The following ADGRL3 variants were observed in gnomAD, a reference collection of about 807,000 sequenced individuals.
The protein encoded by ADGRL3 is calcium-independent alpha-latrotoxin receptor 3.
In ADGRL3, 62 loss-of-function variants were observed where a neutral mutation model predicts 153.5. That is an observed-to-expected ratio of 0.40 (90% CI 0.33 to 0.50). The LOEUF (loss-of-function observed/expected upper bound fraction) is 0.50, where lower values mean the gene tolerates loss of function less well. ADGRL3 is among the 20% of genes least tolerant of loss of function. ADGRL3 has a pLI of 0.47. For synonymous variants in ADGRL3, 710 were observed against 672.5 expected, an observed-to-expected ratio of 1.06 and a Z score of -0.86; for missense variants, 1,641 against 1,859.4, an observed-to-expected ratio of 0.88 and a Z score of 2.16.
chr4:61,950,764 G>C (rs1159127052), intron 17 of ADGRL3, among the ~76,000 whole-genome samples: 1 of 152,184 alleles, frequency 6.6e-6, no homozygotes, highest in Non-Finnish European at 1.5e-5. Context: ...TCTGATTGGT[G>C]AGTGACAGGC....
At chr4:61,760,605 T>C (rs111294590) in intron 8 of ADGRL3, among the ~76,000 whole-genome samples, 13,269 of 152,216 alleles carry the variant, frequency 0.087, 1,236 homozygotes, top group African/African-American at 0.23. Flanking sequence ...TTGCACTTCC[T>C]GAGTGAGGCG....
At chr4:62,000,419 A>G (rs1004919932) in intron 21 of ADGRL3, among the ~76,000 whole-genome samples, 5 of 152,008 alleles carry the variant, frequency 3.3e-5, no homozygotes, top group Non-Finnish European at 7.4e-5. Flanking sequence ...ATGTGGGTGA[A>G]TCTTTATGAT....
At chr4:62,056,170 A>G (rs576512729) in intron 25 of ADGRL3, among the ~76,000 whole-genome samples, 3 of 151,842 alleles carry the variant, frequency 2.0e-5, no homozygotes, top group African/African-American at 7.2e-5. Flanking sequence ...TGTATTAAAT[A>G]ATGGTGGTAG....
At chr4:61,960,785 A>G (rs952293855) in intron 17 of ADGRL3, among the ~76,000 whole-genome samples, 3 of 152,056 alleles carry the variant, frequency 2.0e-5, no homozygotes, top group African/African-American at 7.2e-5. Context: ...ATCTCGGCTC[A>G]CTGCAAGCTC....
At chr4:61,761,655 C>A (rs2152201383) in intron 8 of ADGRL3, among the ~76,000 whole-genome samples, 1 of 152,272 alleles carries the variant, frequency 6.6e-6, no homozygotes, top group South Asian at 2.1e-4. Context: ...TTTAGCCAGG[C>A]ATGGTGGCAC....
rs1047199910 is a variant in ADGRL3 at position 61,992,755 on chromosome 4, G to T, written c.3237-3536G>T. On this transcript the variant is annotated intron_variant, in intron 19 of 26. Transcript: ENST00000683033. ...AGAATAAAAATAATCATTTTGAAAT[G>T]CTCCTTTACATTTAGAAAAGATCAC... Among the ~76,000 whole-genome samples, 3 of 152,186 alleles carry T rather than the reference G, an allele frequency of 2.0e-5. No individual in the cohort carries two copies. In the South Asian group the frequency reaches 6.2e-4, roughly 32 times the overall value.
At chr4:61,426,521 G>A (rs948789340) in intron 2 of ADGRL3, among the ~76,000 whole-genome samples, 1 of 152,078 alleles carries the variant, frequency 6.6e-6, no homozygotes, top group Non-Finnish European at 1.5e-5. Flanking sequence ...CTCCATAGCC[G>A]TCTATGTATG....
intron 17 of ADGRL3, among the ~76,000 whole-genome samples, chr4:61,967,895 T>C (rs2099012670): frequency 6.6e-6 from 1 of 152,202 alleles, no homozygotes; most frequent in African/African-American, 2.4e-5. Flanking sequence ...CTTACAGTTC[T>C]AGAGGCTAGG....
At chr4:61,446,741 G>A (rs1439096577) in intron 2 of ADGRL3, among the ~76,000 whole-genome samples, 3 of 152,180 alleles carry the variant, frequency 2.0e-5, no homozygotes, top group Non-Finnish European at 4.4e-5. Context: ...AGGAGAAGCA[G>A]GTGTGCTAGG....
intron 17 of ADGRL3, among the ~76,000 whole-genome samples, chr4:61,958,911 C>T (rs2098977801): frequency 6.6e-6 from 1 of 152,154 alleles, no homozygotes; most frequent in African/African-American, 2.4e-5. Flanking sequence ...CTACCATAAA[C>T]CCCAAGGTGG....
intron 4 of ADGRL3, among the ~76,000 whole-genome samples, chr4:61,560,884 G>T (rs993160442): frequency 6.6e-6 from 1 of 152,046 alleles, no homozygotes; most frequent in African/African-American, 2.4e-5. Context: ...TAGATTCTCT[G>T]ATTTGTTTAA....
At chr4:61,621,929 T>C (rs2092546602) in intron 5 of ADGRL3, among the ~76,000 whole-genome samples, 1 of 152,204 alleles carries the variant, frequency 6.6e-6, no homozygotes, top group African/African-American at 2.4e-5. Context: ...GAAGAAATTA[T>C]TGTTTTTGTC....
chr4:61,594,412 C>T (rs1428140237), intron 5 of ADGRL3, among the ~76,000 whole-genome samples: 1 of 152,066 alleles, frequency 6.6e-6, no homozygotes, highest in Non-Finnish European at 1.5e-5. Context: ...TTATTGTAGT[C>T]TTTACAGTCT....
chr4:61,954,587 A>G (rs767608778), intron 17 of ADGRL3, among the ~76,000 whole-genome samples: 1 of 151,944 alleles, frequency 6.6e-6, no homozygotes, highest in African/African-American at 2.4e-5. Flanking sequence ...CTTGGCCCGC[A>G]TTAGCATCTC....
intron 4 of ADGRL3, among the ~76,000 whole-genome samples, chr4:61,524,907 G>C (rs1200416649): frequency 6.6e-6 from 1 of 152,050 alleles, no homozygotes; most frequent in Non-Finnish European, 1.5e-5. Context: ...TATATTTTGG[G>C]CACATTCAAG....
intron 1 of ADGRL3, among the ~76,000 whole-genome samples, chr4:61,256,390 ACT>A (rs1343734955): frequency 3.3e-5 from 5 of 152,128 alleles, no homozygotes; most frequent in African/African-American, 1.2e-4. Flanking sequence ...GAATTTTAAA[ACT>A]CATCAGAAGT....
At chr4:61,745,481 G>A (rs2096644392) in intron 8 of ADGRL3, among the ~76,000 whole-genome samples, 1 of 152,146 alleles carries the variant, frequency 6.6e-6, no homozygotes, top group African/African-American at 2.4e-5. Flanking sequence ...TACCCACAAA[G>A]GGAAGCCCAT....
chr4:61,902,279 T>C (rs563026551), intron 11 of ADGRL3, among the ~76,000 whole-genome samples: 73 of 152,178 alleles, frequency 4.8e-4, no homozygotes, highest in African/African-American at 1.7e-3. Flanking sequence ...TTTTGGTGAC[T>C]CCCTTTCCTT....
chr4:61,965,767 A>G (rs570218194), intron 17 of ADGRL3, among the ~76,000 whole-genome samples: 146 of 152,258 alleles, frequency 9.6e-4, no homozygotes, highest in African/African-American at 3.4e-3. Context: ...AGAAAAAAAA[A>G]AGCATTTGAA....
Sources: gnomAD v4.1 joint callset for allele counts (sites outside exome capture counted in the v4.1 genomes callset) on GRCh38, gnomAD v4.1.1 for gene constraint, MANE v1.5 for transcripts, NCBI Gene and HGNC (gene_info 2026-07-23, HGNC 2026-07-21) for gene names.